Variants in CUBN observed in about 807,000 individuals in gnomAD.
CUBN encodes cubilin.
A neutral mutation model predicts 405.3 loss-of-function variants in CUBN; 282 were observed. The ratio of observed to expected loss-of-function variants is 0.70; its 90% CI spans 0.63 to 0.77. CUBN has a LOEUF of 0.77. Among genes scored for constraint, CUBN ranks in the 30% least tolerant of loss-of-function variants. The pLI is 0.00. For synonymous variants in CUBN, 1,684 were observed against 1,617.0 expected (o/e 1.04, Z -0.99); for missense variants, 4,514 against 4,475.2 (o/e 1.01, Z -0.25).
intron 66 of CUBN, 26 bp downstream of exon 66, chr10:16,828,779 G>T (rs1162097746): frequency 5.3e-6 from 8 of 1,504,062 alleles, no homozygotes; most frequent in Non-Finnish European, 7.4e-6. Context: ...TAACAAATGG[G>T]AATATAAAAT....
intron 56 of CUBN, among the ~76,000 whole-genome samples, chr10:16,886,383 G>A (rs1840814851): frequency 6.6e-6 from 1 of 152,182 alleles, no homozygotes; most frequent in Non-Finnish European, 1.5e-5. Context: ...ACTGCCATGA[G>A]AGACTAACCC....
At chr10:17,015,381 T>C (rs7089790) in intron 28 of CUBN, among the ~76,000 whole-genome samples, 57,252 of 151,992 alleles carry the variant, frequency 0.38, 11,173 homozygotes, top group East Asian at 0.59. Flanking sequence ...GCTAATATAT[T>C]CCTCCCTAAT....
At chr10:17,119,939 G>T (rs1186229396) in intron 6 of CUBN, among the ~76,000 whole-genome samples, 2 of 152,194 alleles carry the variant, frequency 1.3e-5, no homozygotes, top group African/African-American at 4.8e-5. Flanking sequence ...CTTTTCAGAG[G>T]TCTTTACAAT....
In CUBN at chr10:17,117,578, C is replaced by G. The variant is rs183591448; in HGVS notation, c.594-1981G>C. 3.9e-5 allele frequency among the ~76,000 whole-genome samples: 6 copies of G among 152,274 alleles called. No homozygotes were observed. The East Asian group carries it at 1.2e-3, about 29-fold the overall frequency. ...TTTTTTTAGTAGAGATGGGTTTTCACCATGTGGTGAAACCAATTGATTAGT... is the reference window on the plus strand; with the variant it reads ...TTTTTTTAGTAGAGATGGGTTTTCAGCATGTGGTGAAACCAATTGATTAGT... On this transcript the variant is annotated intron_variant, in intron 6 of 66. Coordinates refer to ENST00000377833, the MANE Select transcript of CUBN (RefSeq NM_001081.4).
rs113317804 is a variant in CUBN at position 17,106,597 on chromosome 10, C to CAAAA, written c.1112-1026_1112-1023dup. On this transcript the variant is annotated intron_variant, in intron 10 of 66. Transcript: ENST00000377833. ...TGGGAGACAGAGCAAAACGCCATCT[C>CAAAA]AAAAAAAAAAAAAAAAAGCCCTATA... Among the ~76,000 whole-genome samples the CAAAA allele has an allele frequency of 1.4e-3, 159 of 111,086 alleles. 3 individuals carry two copies. The highest frequency in any genetic ancestry group is 0.014 in the Middle Eastern group (3 of 210). The allele number at this position is 111,086 out of a possible 152,430, so 72.9% of individuals were successfully genotyped here. A position where few individuals can be genotyped will look rare whatever the true frequency, so the allele number is the denominator to read the frequency against.
chr10:17,023,309 G>C (rs983607898), intron 27 of CUBN, among the ~76,000 whole-genome samples: 4 of 150,016 alleles, frequency 2.7e-5, no homozygotes, highest in Admixed American at 1.3e-4. Context: ...GCATCAAATA[G>C]ACATTTATGA....
intron 14 of CUBN, among the ~76,000 whole-genome samples, chr10:17,093,465 G>T (rs995076156): frequency 6.6e-6 from 1 of 152,028 alleles, no homozygotes; most frequent in African/African-American, 2.4e-5. Context: ...TAGGAAATAT[G>T]GCAATCCACC....
intron 64 of CUBN, among the ~76,000 whole-genome samples, chr10:16,832,778 G>A (rs948159334): frequency 7.2e-5 from 11 of 152,180 alleles, no homozygotes; most frequent in Non-Finnish European, 1.5e-4. Flanking sequence ...CAGATTCCAA[G>A]CATGGTCTAG....
intron 14 of CUBN, among the ~76,000 whole-genome samples, chr10:17,093,904 C>T (rs1249259259): frequency 1.3e-5 from 2 of 151,944 alleles, no homozygotes; most frequent in African/African-American, 4.8e-5. Context: ...GAATATAAAA[C>T]CATAAGAACT....
At chr10:17,082,940 G>C (rs1168212314) in intron 17 of CUBN, among the ~76,000 whole-genome samples, 1 of 152,000 alleles carries the variant, frequency 6.6e-6, no homozygotes, top group East Asian at 1.9e-4. Context: ...GCAGTAAGCT[G>C]ACAATGATCA....
intron 36 of CUBN, among the ~76,000 whole-genome samples, chr10:16,944,555 A>T (rs1170232564): frequency 6.6e-6 from 1 of 152,194 alleles, no homozygotes; most frequent in African/African-American, 2.4e-5. Flanking sequence ...ATCTGGATAG[A>T]ATTTAGACCA....
intron 43 of CUBN, among the ~76,000 whole-genome samples, chr10:16,920,552 A>G (rs1303869982): frequency 6.6e-6 from 1 of 152,214 alleles, no homozygotes; most frequent in Non-Finnish European, 1.5e-5. Context: ...TATTTAAAAG[A>G]CTAAGCAGAT....
rs1841561240 is a variant in CUBN at position 16,906,467 on chromosome 10, A to G, written c.7706-58T>C. On this transcript the variant is annotated intron_variant, in intron 49 of 66. Transcript: ENST00000377833. ...AGTAAGATTCAGGCCACAACGGAAG[A>G]GATAAACAATACAGGAACAGTAACT... 8.4e-6 allele frequency: 10 copies of G among 1,190,890 alleles called. No individual in the cohort carries two copies. In the East Asian group the frequency reaches 2.3e-4, roughly 28 times the overall value. The allele number at this position is 1,190,890 out of a possible 1,614,324, so 73.8% of individuals were successfully genotyped here.
intron 52 of CUBN, among the ~76,000 whole-genome samples, chr10:16,901,081 A>G (rs1352594801): frequency 6.6e-6 from 1 of 152,150 alleles, no homozygotes; most frequent in Non-Finnish European, 1.5e-5. Context: ...GAAACTGAAT[A>G]CACTTCTCTC....
At chr10:16,854,737 G>A (rs1300507515) in intron 59 of CUBN, among the ~76,000 whole-genome samples, 2 of 152,108 alleles carry the variant, frequency 1.3e-5, no homozygotes, top group Non-Finnish European at 2.9e-5. Context: ...GATGGCAATT[G>A]TACTTGGGCC....
At chr10:16,963,182 C>CTTTTTT (rs1176337605) in intron 31 of CUBN, among the ~76,000 whole-genome samples, 5 of 90,946 alleles carry the variant, frequency 5.5e-5, no homozygotes, top group African/African-American at 2.2e-4. Context: ...TTTTTCTTTT[C>CTTTTTT]TTTTCTTTTT....
At chr10:17,101,726 G>A (rs758943114) in intron 13 of CUBN, among the ~76,000 whole-genome samples, 1 of 152,068 alleles carries the variant, frequency 6.6e-6, no homozygotes, top group Non-Finnish European at 1.5e-5. Context: ...GAGCGTTCAC[G>A]GAGCGGCTCA....
intron 14 of CUBN, among the ~76,000 whole-genome samples, chr10:17,097,778 C>CAT (rs1384050765): frequency 6.6e-6 from 1 of 152,142 alleles, no homozygotes; most frequent in Non-Finnish European, 1.5e-5. Context: ...ATATGATCAC[C>CAT]TGAATAGAGT....
At chr10:17,014,602 C>T (rs1834277518) in intron 28 of CUBN, among the ~76,000 whole-genome samples, 1 of 152,218 alleles carries the variant, frequency 6.6e-6, no homozygotes, top group African/African-American at 2.4e-5. Flanking sequence ...GATATTTGGC[C>T]TGCTGTAGGC....
Sources: allele counts gnomAD v4.1 joint callset (sites outside exome capture counted in the v4.1 genomes callset), GRCh38; gene constraint gnomAD v4.1.1; transcripts MANE v1.5; gene names NCBI Gene and HGNC (gene_info 2026-07-23, HGNC 2026-07-21).